Variants in JARID2 observed in about 807,000 individuals in gnomAD.
The protein encoded by JARID2 is protein Jumonji.
Under a neutral mutation model 125.6 loss-of-function variants are expected in JARID2, and 21 were observed. That is an observed-to-expected ratio of 0.17 (90% CI 0.12 to 0.24). The LOEUF (loss-of-function observed/expected upper bound fraction) is 0.24. JARID2 is among the 10% of genes least tolerant of loss of function. JARID2 has a pLI of 1.00. For missense variants in JARID2, 1,303 were observed against 1,639.6 expected (o/e 0.79, Z 3.55); for synonymous variants, 736 against 661.6 (o/e 1.11, Z -1.73).
chr6:15,497,227 G>C, intron 7 of JARID2, 57 bp downstream of exon 7: 1 of 1,308,236 alleles, frequency 7.6e-7, no homozygotes, highest in East Asian at 2.5e-5. Flanking sequence ...CCAGATCCCT[G>C]CAGTTCCCTC....
At chr6:15,302,322 AGGAGAATC>A (rs1761654476) in intron 1 of JARID2, among the ~76,000 whole-genome samples, 1 of 152,298 alleles carries the variant, frequency 6.6e-6, no homozygotes, top group East Asian at 1.9e-4. Flanking sequence ...AGGCTGAGAC[AGGAGAATC>A]GCCTGAACCT....
chr6:15,417,132 GTT>G (rs58717452), intron 3 of JARID2, among the ~76,000 whole-genome samples: 320 of 152,174 alleles, frequency 2.1e-3, no homozygotes, highest in African/African-American at 7.0e-3. Context: ...AAGATTAACT[GTT>G]TATTTTTATC....
chr6:15,500,205 C>T (rs1221793671), intron 7 of JARID2, among the ~76,000 whole-genome samples: 1 of 152,164 alleles, frequency 6.6e-6, no homozygotes, highest in East Asian at 1.9e-4. Context: ...GTGGCCTGAT[C>T]AGGAGGGGCA....
At chr6:15,344,954 CAATTG>C (rs1321891997) in intron 1 of JARID2, among the ~76,000 whole-genome samples, 4 of 151,956 alleles carry the variant, frequency 2.6e-5, no homozygotes, top group Non-Finnish European at 5.9e-5. Flanking sequence ...TTGACAAGCT[CAATTG>C]AATTAGGGAA....
intron 1 of JARID2, among the ~76,000 whole-genome samples, chr6:15,347,646 G>T (rs1387696830): frequency 6.6e-6 from 1 of 152,232 alleles, no homozygotes; most frequent in African/African-American, 2.4e-5. Flanking sequence ...GTAGAATTCT[G>T]TTGGGGTTTA....
At chr6:15,468,169 C>CTTTTTTTTTTTT (rs10700305) in intron 4 of JARID2, among the ~76,000 whole-genome samples, 1 of 134,846 alleles carries the variant, frequency 7.4e-6, no homozygotes. Context: ...TCTTCTCTGT[C>CTTTTTTTTTTTT]TTTTTTTTTT....
At chr6:15,337,671 C>G (rs890256132) in intron 1 of JARID2, among the ~76,000 whole-genome samples, 1 of 152,144 alleles carries the variant, frequency 6.6e-6, no homozygotes, top group Non-Finnish European at 1.5e-5. Flanking sequence ...CCCCCCACCC[C>G]CCTGAATTTT....
rs1766121890 is a variant in JARID2 at position 15,415,554 on chromosome 6, G to GGGGGGCTGA, written c.323+5189_323+5190insGGGGGCTGA. On this transcript the variant is annotated intron_variant, in intron 3 of 17. Coordinates refer to ENST00000341776, the MANE Select transcript of JARID2 (RefSeq NM_004973.4). ...CGCCCCTCACCTCCCGGGCAGAGGC[G>GGGGGGCTGA]CCCCTCACCTCCCGGACGGGGCTGC... Among the ~76,000 whole-genome samples, 284 of 142,978 alleles carry GGGGGGCTGA rather than the reference G, an allele frequency of 2.0e-3. 3 individuals are homozygous for GGGGGGCTGA. Among genetic ancestry groups the GGGGGGCTGA allele is most frequent in the African/African-American group, 6.8e-3 (245 of 35,820 alleles). 93.8% of individuals were successfully genotyped at this position (142,978 alleles called of 152,430 possible). A position where few individuals can be genotyped will look rare whatever the true frequency, so the allele number is the denominator to read the frequency against.
At chr6:15,384,957 C>T (rs1476123055) in intron 2 of JARID2, among the ~76,000 whole-genome samples, 1 of 152,208 alleles carries the variant, frequency 6.6e-6, no homozygotes, top group African/African-American at 2.4e-5. Context: ...TACTTTCTAG[C>T]TTAGGTTATG....
chr6:15,248,856 G>T, intron 1 of JARID2: 1 of 966,390 alleles, frequency 1.0e-6, no homozygotes, highest in Non-Finnish European at 1.2e-6. Context: ...GAGGGAGCTG[G>T]GCGGGGGCGG....
intron 6 of JARID2, among the ~76,000 whole-genome samples, chr6:15,490,666 T>C (rs567314722): frequency 6.6e-6 from 1 of 152,384 alleles, no homozygotes; most frequent in Admixed American, 6.5e-5. Flanking sequence ...TTTGGTTGTA[T>C]GGTAAGGGTC....
rs776849600 is a variant in JARID2 at position 15,468,720 on chromosome 6, T to TA, written c.670+3dup. 2 of 1,608,926 alleles carry TA rather than the reference T, an allele frequency of 1.2e-6. No individual in the cohort carries two copies. Among genetic ancestry groups the TA allele is most frequent in the Non-Finnish European group, 1.7e-6 (2 of 1,177,558 alleles). ...ACAAACATGTTCACAACGGGCATGG[T>TA]AGGTCCACCGTTGAACTTGGATAAG... On this transcript the variant is annotated splice_region_variant and intron_variant, in intron 5 of 17. Coordinates refer to ENST00000341776, the MANE Select transcript of JARID2 (RefSeq NM_004973.4).
At chr6:15,467,033 T>C (rs1381817703) in intron 4 of JARID2, among the ~76,000 whole-genome samples, 8 of 152,360 alleles carry the variant, frequency 5.3e-5, no homozygotes, top group Non-Finnish European at 4.4e-5. Flanking sequence ...TGCAGTTGCA[T>C]ATCCACTCAG....
intron 8 of JARID2, among the ~76,000 whole-genome samples, chr6:15,502,045 C>T (rs745596006): frequency 1.3e-5 from 2 of 152,232 alleles, no homozygotes; most frequent in Non-Finnish European, 1.5e-5. Flanking sequence ...GAGAGCTATC[C>T]CTGATAAAGC....
chr6:15,307,848 A>C (rs1458578729), intron 1 of JARID2, among the ~76,000 whole-genome samples: 1 of 152,246 alleles, frequency 6.6e-6, no homozygotes, highest in Non-Finnish European at 1.5e-5. Flanking sequence ...TCTAATTTGC[A>C]GAGTTCATTC....
chr6:15,253,048 TC>T (rs1377932063), intron 1 of JARID2, among the ~76,000 whole-genome samples: 2 of 151,920 alleles, frequency 1.3e-5, no homozygotes. Context: ...TCTGCCAGCT[TC>T]AGGTTTTTTT....
chr6:15,500,771 G>A, intron 7 of JARID2, 136 bp from the exon 8 acceptor site: 1 of 747,494 alleles, frequency 1.3e-6, no homozygotes, highest in Non-Finnish European at 2.2e-6. Context: ...GGAGTCTGCT[G>A]TTCACCACTC....
At chr6:15,385,390 AGTCT>A (rs1319517822) in intron 2 of JARID2, among the ~76,000 whole-genome samples, 1 of 151,908 alleles carries the variant, frequency 6.6e-6, no homozygotes, top group African/African-American at 2.4e-5. Flanking sequence ...TACCTTATGA[AGTCT>A]GTCTGCACAG....
rs114511658 is a variant in JARID2 at position 15,456,007 on chromosome 6, T to G, written c.493+3832T>G. 2.0e-3 allele frequency among the ~76,000 whole-genome samples: 298 copies of G among 152,342 alleles called. 1 individual carries two copies. Among genetic ancestry groups the G allele is most frequent in the African/African-American group, 7.0e-3 (290 of 41,572 alleles). ...GATGTCTGAAGATTGCTCTGTTGAT[T>G]ATGGAATTTAGTTATGCAGGTCTTT... On this transcript the variant is annotated intron_variant, in intron 4 of 17. Coordinates refer to ENST00000341776, the MANE Select transcript of JARID2 (RefSeq NM_004973.4).
Sources: allele counts gnomAD v4.1 joint callset (sites outside exome capture counted in the v4.1 genomes callset), GRCh38; gene constraint gnomAD v4.1.1; transcripts MANE v1.5; gene names NCBI Gene and HGNC (gene_info 2026-07-23, HGNC 2026-07-21).